Variants in ACACB observed in about 807,000 individuals in gnomAD.
ACACB encodes acetyl-CoA carboxylase 2.
ACACB carries 209 observed loss-of-function variants against 278.8 expected under a neutral mutation model. The observed-to-expected ratio is 0.75, with a 90% CI of 0.67 to 0.84. ACACB has a LOEUF of 0.84. Among genes scored for constraint, ACACB ranks in the 40% least tolerant of loss-of-function variants. ACACB has a pLI of 0.00. For synonymous variants in ACACB, 1,174 were observed against 1,285.6 expected (o/e 0.91, Z 1.86); for missense variants, 2,850 against 3,269.0 (o/e 0.87, Z 3.13).
At chr12:109,234,162 T>G in intron 31 of ACACB, 117 bp downstream of exon 31, 1 of 838,316 alleles carries the variant, frequency 1.2e-6, no homozygotes, top group Non-Finnish European at 1.9e-6. Flanking sequence ...GCCACAGACC[T>G]GGCTTCCCAC....
At chr12:109,170,092 G>A (rs1306626045) in intron 4 of ACACB, among the ~76,000 whole-genome samples, 1 of 150,640 alleles carries the variant, frequency 6.6e-6, no homozygotes, top group Non-Finnish European at 1.5e-5. Flanking sequence ...CCTCATTGAT[G>A]TGTGGGTTTT....
intron 2 of ACACB, among the ~76,000 whole-genome samples, chr12:109,142,705 T>C (rs918950871): frequency 6.6e-6 from 1 of 152,118 alleles, no homozygotes; most frequent in Non-Finnish European, 1.5e-5. Context: ...TAGCTGGAAT[T>C]ATGGGCGTGT....
Position 109,173,171 on chromosome 12 carries a change from C to T in ACACB, c.1117+815C>T, listed in dbSNP as rs539191013. ...GCAGACACTACTTGAGGGTGAAAGG[C>T]GAGAGGAGGGAGAAAAGCAGAAAAA... On this transcript the variant is annotated intron_variant, in intron 6 of 52. Coordinates refer to ENST00000338432, the MANE Select transcript of ACACB (RefSeq NM_001093.4). Among the ~76,000 whole-genome samples the T allele has an allele frequency of 7.9e-5, 12 of 152,108 alleles. No homozygotes were observed. The South Asian group carries it at 1.9e-3, about 24-fold the overall frequency.
intron 1 of ACACB, among the ~76,000 whole-genome samples, chr12:109,138,840 G>C (rs2136017195): frequency 6.6e-6 from 1 of 152,244 alleles, no homozygotes; most frequent in South Asian, 2.1e-4. Context: ...GCAACAAAGG[G>C]AGACTGCATC....
At chr12:109,229,593 G>T (rs540320300) in intron 28 of ACACB, among the ~76,000 whole-genome samples, 2 of 152,036 alleles carry the variant, frequency 1.3e-5, no homozygotes, top group South Asian at 4.2e-4. Flanking sequence ...GCAACGGCGC[G>T]ATCTCAGCTC....
intron 33 of ACACB, among the ~76,000 whole-genome samples, chr12:109,236,542 T>C (rs2046637265): frequency 6.6e-6 from 1 of 152,200 alleles, no homozygotes; most frequent in Non-Finnish European, 1.5e-5. Flanking sequence ...AATTGAGTAG[T>C]TGTGACAGAG....
intron 9 of ACACB, among the ~76,000 whole-genome samples, chr12:109,178,829 ATCTCTCGAGCAG>A (rs1032511345): frequency 4.6e-5 from 7 of 152,144 alleles, no homozygotes; most frequent in African/African-American, 1.7e-4. Context: ...GTGATTAGCC[ATCTCTCGAGCAG>A]TTGTTCATTG....
rs745491556 is a variant in ACACB at position 109,191,728 on chromosome 12, G to A, written c.2260G>A (p.Gly754Arg). 11 of 1,614,074 alleles carry A rather than the reference G, an allele frequency of 6.8e-6. No homozygotes were observed. The highest frequency in any genetic ancestry group is 6.7e-5 in the African/African-American group (5 of 74,924). ...CTTCCAGAACAACGACATCGACACC[G>A]GGTGGTTGGACTACCTCATTGCTGA... ...ESFQNNDIDTGWLDYLIAEKV... is the reference protein window; with the variant it reads ...ESFQNNDIDTRWLDYLIAEKV... Residue 754 changes from glycine to arginine, a missense_variant, in exon 14 of 53, where the codon GGG (glycine) becomes AGG (arginine). Gly to Arg is a moderately radical substitution (Grantham distance 125, BLOSUM62 -2). Coordinates refer to ENST00000338432, the MANE Select transcript of ACACB (RefSeq NM_001093.4).
intron 22 of ACACB, among the ~76,000 whole-genome samples, chr12:109,215,105 A>G (rs1479600455): frequency 2.1e-5 from 3 of 141,632 alleles, no homozygotes; most frequent in African/African-American, 5.6e-5. Flanking sequence ...CAAAAAAAAG[A>G]AAAAAAAAAA....
chr12:109,232,778 G>T lies in ACACB; in HGVS notation c.4111G>T (p.Ala1371Ser), dbSNP rs996022400. ...PLCQRMGAMV[A>S]FRRFEDFTRN... is the part of the protein sequence containing the mutation. ...GTGCCAGCGCATGGGAGCCATGGTA[G>T]CCTTCAGGAGATTCGAGGACTTCAC... The change falls in exon 29 of 53, where the codon GCC becomes TCC. Residue 1371 changes from alanine to serine, a missense_variant. This residue lies in a region of ACACB where 2,265 missense variants were observed against 2,561.3 expected (regional missense o/e 0.88). Coordinates refer to ENST00000338432, the MANE Select transcript of ACACB (RefSeq NM_001093.4). 1.9e-6 allele frequency: 3 copies of T among 1,613,984 alleles called. No homozygotes were observed. The highest frequency in any genetic ancestry group is 1.7e-5 in the Admixed American group (1 of 59,988).
chr12:109,185,539 G>A, intron 11 of ACACB, 40 bp from the exon 12 acceptor site: 1 of 1,609,986 alleles, frequency 6.2e-7, no homozygotes, highest in Non-Finnish European at 8.5e-7. Context: ...CCGTGTTCTG[G>A]TAGGACTGAC....
intron 49 of ACACB, 92 bp downstream of exon 49, chr12:109,262,561 G>GA (rs924873801): frequency 4.0e-5 from 28 of 695,626 alleles, no homozygotes; most frequent in Admixed American, 2.8e-5. Flanking sequence ...AAAATAAAAT[G>GA]AAAAAATACC....
At chr12:109,114,981 CTT>C (rs1303364774), upstream of ACACB, among the ~76,000 whole-genome samples, 5 of 152,158 alleles carry the variant, frequency 3.3e-5, no homozygotes, top group African/African-American at 9.7e-5. Flanking sequence ...TTATGAATAA[CTT>C]TGGTTTCAAG....
chr12:109,237,005 G>T (rs926187722), intron 33 of ACACB, among the ~76,000 whole-genome samples, 160 bp from the exon 34 acceptor site: 1 of 152,108 alleles, frequency 6.6e-6, no homozygotes, highest in Non-Finnish European at 1.5e-5. Flanking sequence ...AGCCCTGGGG[G>T]TAGCTTACAA....
At chr12:109,171,501 C>T (rs1034213011) in intron 4 of ACACB, among the ~76,000 whole-genome samples, 5 of 152,138 alleles carry the variant, frequency 3.3e-5, no homozygotes, top group African/African-American at 1.2e-4. Flanking sequence ...AGGTGCCCAC[C>T]ACCACGCCTG....
At position 109,191,762 on chromosome 12, in the gene ACACB, A is replaced by G. The variant is rs1463512497; in HGVS notation, c.2294A>G (p.Gln765Arg). The change falls in exon 14 of 53, where the codon CAG becomes CGG. Residue 765 changes from glutamine to arginine, a missense_variant and splice_region_variant. Coordinates refer to ENST00000338432, the MANE Select transcript of ACACB (RefSeq NM_001093.4). ...GACTACCTCATTGCTGAGAAAGTGCAGGTAGGGAGTGAGCTGCCTGTGTCT... is the reference window on the plus strand; with the variant it reads ...GACTACCTCATTGCTGAGAAAGTGCGGGTAGGGAGTGAGCTGCCTGTGTCT... ...WLDYLIAEKV[Q>R]AEKPDIMLGV... The G allele has an allele frequency of 6.2e-7, 1 of 1,614,178 alleles. No homozygotes were observed. The highest frequency in any genetic ancestry group is 8.5e-7 in the Non-Finnish European group (1 of 1,180,020).
At chr12:109,217,423 T>C (rs1400268149) in intron 24 of ACACB, among the ~76,000 whole-genome samples, 2 of 152,154 alleles carry the variant, frequency 1.3e-5, no homozygotes, top group African/African-American at 2.4e-5. Context: ...TAAAACTTTG[T>C]TGGGAGCCCG....
chr12:109,197,552 C>T (rs1024562397), intron 17 of ACACB, among the ~76,000 whole-genome samples: 4 of 152,152 alleles, frequency 2.6e-5, no homozygotes, highest in African/African-American at 9.7e-5. Context: ...GGATAGCATT[C>T]TGGGTGTGAC....
chr12:109,200,125 A>G (rs1433371234), intron 18 of ACACB, among the ~76,000 whole-genome samples: 1 of 152,082 alleles, frequency 6.6e-6, no homozygotes, highest in African/African-American at 2.4e-5. Flanking sequence ...AGAATATGGA[A>G]ACTCTCTGTA....
Sources: allele counts gnomAD v4.1 joint callset (sites outside exome capture counted in the v4.1 genomes callset), GRCh38; gene constraint gnomAD v4.1.1; regional missense constraint gnomAD v4.1.1; transcripts MANE v1.5; gene names NCBI Gene and HGNC (gene_info 2026-07-23, HGNC 2026-07-21).